ACVR2B: variants seen among roughly 807,000 people sequenced by gnomAD.
The protein encoded by ACVR2B is activin A receptor type 2B.
ACVR2B carries 18 observed loss-of-function variants against 65.1 expected under a neutral mutation model. The ratio of observed to expected loss-of-function variants is 0.28; its 90% CI spans 0.19 to 0.41. The LOEUF is 0.41. ACVR2B is among the 10% of genes least tolerant of loss of function. ACVR2B has a pLI of 1.00. For missense variants in ACVR2B, 482 were observed against 682.7 expected, an observed-to-expected ratio of 0.71 and a Z score of 3.28; for synonymous variants, 298 against 277.7, an observed-to-expected ratio of 1.07 and a Z score of -0.73.
At chr3:38,467,688 G>C (rs1264289272) in intron 1 of ACVR2B, among the ~76,000 whole-genome samples, 1 of 151,768 alleles carries the variant, frequency 6.6e-6, no homozygotes, top group Non-Finnish European at 1.5e-5. Context: ...GGAGTTTGAG[G>C]CTGCAGTGAG....
chr3:38,481,120 TG>T lies in ACVR2B; in HGVS notation c.960-230del, dbSNP rs1710010101. Among the ~76,000 whole-genome samples, 1 of 152,136 alleles carries T rather than the reference TG, an allele frequency of 6.6e-6. No homozygotes were observed. Among genetic ancestry groups the T allele is most frequent in the Non-Finnish European group, 1.5e-5 (1 of 68,032 alleles). ...TCTGCCCAGCCATTAGGGTAGGTGT[TG>T]CTTTGCCAACCCTGGGGGAAGCCTT... On this transcript the variant is annotated intron_variant, in intron 7 of 10. Transcript: ENST00000352511. The surrounding 1 kb of genome is among the most constrained non-coding windows in gnomAD (Gnocchi z 4.7).
Position 38,484,077 on chromosome 3 carries a change from G to C in ACVR2B, c.*745G>C, listed in dbSNP as rs892027840. On this transcript the variant is annotated 3_prime_UTR_variant, in exon 11 of 11. Coordinates refer to ENST00000352511, the MANE Select transcript of ACVR2B (RefSeq NM_001106.4). ...GCTACTTCTCAGGTAACCAGGAATT[G>C]AGGGGAAGGACCTTGTGGAGGCCGA... 2 of 152,710 alleles carry C rather than the reference G, an allele frequency of 1.3e-5. No homozygotes were observed. Among genetic ancestry groups the C allele is most frequent in the African/African-American group, 4.8e-5 (2 of 41,430 alleles). The allele number at this position is 152,710 out of a possible 1,614,324, so 9.5% of individuals were successfully genotyped here. A position where few individuals can be genotyped will look rare whatever the true frequency, so the allele number is the denominator to read the frequency against.
chr3:38,467,117 G>A (rs2125716124), intron 1 of ACVR2B, among the ~76,000 whole-genome samples: 1 of 152,230 alleles, frequency 6.6e-6, no homozygotes, highest in Middle Eastern at 3.4e-3. Flanking sequence ...TCATCTCTAG[G>A]GTAACCAAAG....
chr3:38,461,910 T>G (rs1262630397), intron 1 of ACVR2B, among the ~76,000 whole-genome samples: 1 of 152,168 alleles, frequency 6.6e-6, no homozygotes, highest in Non-Finnish European at 1.5e-5. Context: ...GAGAGGCTTT[T>G]GGCCGGGCGT....
Position 38,483,094 on chromosome 3 carries a change from G to A in ACVR2B, c.1345-44G>A, listed in dbSNP as rs934689272. 13 of 1,608,906 alleles carry A rather than the reference G, an allele frequency of 8.1e-6. No individual in the cohort carries two copies. Among genetic ancestry groups the A allele is most frequent in the Non-Finnish European group, 1.0e-5 (12 of 1,175,532 alleles). On this transcript the variant is annotated intron_variant, in intron 10 of 10. Coordinates refer to ENST00000352511, the MANE Select transcript of ACVR2B (RefSeq NM_001106.4). The surrounding 1 kb of genome is among the most constrained non-coding windows in gnomAD (Gnocchi z 4.8). ...CCCCCAAAGCTTTTCCTCACTGAAG[G>A]GTCCTAACAAAGGTGTCTTTCCTGT...
chr3:38,457,330 A>G (rs1709567017), intron 1 of ACVR2B, among the ~76,000 whole-genome samples: 1 of 152,258 alleles, frequency 6.6e-6, no homozygotes, highest in Admixed American at 6.5e-5. Flanking sequence ...GCCTTACAGA[A>G]CATCCTCAAC....
At chr3:38,473,097 A>T (rs773152951) in intron 1 of ACVR2B, among the ~76,000 whole-genome samples, 9 of 151,536 alleles carry the variant, frequency 5.9e-5, no homozygotes, top group Non-Finnish European at 8.8e-5. Flanking sequence ...GCCAGGAGGG[A>T]TGGTTTGGGG....
chr3:38,462,106 A>G (rs1709658058), intron 1 of ACVR2B, among the ~76,000 whole-genome samples: 1 of 152,164 alleles, frequency 6.6e-6, no homozygotes, highest in African/African-American at 2.4e-5. Context: ...AGGCAGGAGA[A>G]TGGCGTGAAC....
Position 38,483,370 on chromosome 3 carries a change from T to C in ACVR2B, c.*38T>C. ...AGTGTCTGTCCAGACTCAGTGGATCTGAAGAAAAAAGGAAAAAAAGTTGTG... is the reference window on the plus strand; with the variant it reads ...AGTGTCTGTCCAGACTCAGTGGATCCGAAGAAAAAAGGAAAAAAAGTTGTG... On this transcript the variant is annotated 3_prime_UTR_variant, in exon 11 of 11. Transcript: ENST00000352511. This position sits in a 1 kb window ranked among gnomAD's most constrained non-coding sequence, Gnocchi z 4.8. The C allele has an allele frequency of 1.2e-6, 2 of 1,611,080 alleles. No individual in the cohort carries two copies. The highest frequency in any genetic ancestry group is 8.5e-7 in the Non-Finnish European group (1 of 1,177,634).
At chr3:38,459,345 G>A (rs1302031744) in intron 1 of ACVR2B, among the ~76,000 whole-genome samples, 5 of 152,236 alleles carry the variant, frequency 3.3e-5, no homozygotes, top group Non-Finnish European at 7.3e-5. Flanking sequence ...GGCGGAGGCT[G>A]TGGGTGGCTG....
At chr3:38,469,510 G>C (rs558322677) in intron 1 of ACVR2B, among the ~76,000 whole-genome samples, 1 of 152,320 alleles carries the variant, frequency 6.6e-6, no homozygotes, top group Non-Finnish European at 1.5e-5. Context: ...GTCTGAGACT[G>C]GGTAGGGTTG....
At position 38,482,021 on chromosome 3, in the gene ACVR2B, C is replaced by A. The variant is rs1213470423; in HGVS notation, c.1075-177C>A. 1.3e-5 allele frequency among the ~76,000 whole-genome samples: 2 copies of A among 152,096 alleles called. 1 individual carries two copies. The highest frequency in any genetic ancestry group is 4.8e-5 in the African/African-American group (2 of 41,376). On this transcript the variant is annotated intron_variant, in intron 8 of 10. Coordinates refer to ENST00000352511, the MANE Select transcript of ACVR2B (RefSeq NM_001106.4). The stretch of plus-strand genomic sequence containing the variant: ...AATTATTAGCCAAGTATAATTGATG[C>A]TGTGACCTCTTGTAACTGTTGTGAA...
At chr3:38,469,338 G>A (rs1709782908) in intron 1 of ACVR2B, among the ~76,000 whole-genome samples, 1 of 152,192 alleles carries the variant, frequency 6.6e-6, no homozygotes, top group Non-Finnish European at 1.5e-5. Context: ...TTATAATTTA[G>A]AGATGTGGGT....
intron 1 of ACVR2B, among the ~76,000 whole-genome samples, chr3:38,466,829 C>G (rs1197381340): frequency 6.6e-6 from 1 of 152,080 alleles, no homozygotes; most frequent in African/African-American, 2.4e-5. Context: ...AAAGAATGAA[C>G]ATGTCAAGGA....
At position 38,491,390 on chromosome 3, in the gene ACVR2B, C is replaced by G. The variant is rs1436872247; in HGVS notation, c.*8058C>G. On this transcript the variant is annotated 3_prime_UTR_variant, in exon 11 of 11. Transcript: ENST00000352511. ...CATGGGACACAAGGTCAGTGTGTTC[C>G]CAGTGAGGGTCCCAAGTCAGTCATC... 6.6e-6 allele frequency: 1 copy of G among 152,646 alleles called. No homozygotes were observed. Among genetic ancestry groups the G allele is most frequent in the Non-Finnish European group, 1.5e-5 (1 of 68,066 alleles). 9.5% of individuals were successfully genotyped at this position (152,646 alleles called of 1,614,324 possible). A position where few individuals can be genotyped will look rare whatever the true frequency, so the allele number is the denominator to read the frequency against.
At chr3:38,465,213 A>G (rs1364147874) in intron 1 of ACVR2B, among the ~76,000 whole-genome samples, 1 of 151,996 alleles carries the variant, frequency 6.6e-6, no homozygotes, top group Non-Finnish European at 1.5e-5. Flanking sequence ...CCTGGCCAAC[A>G]TGGTGAAACC....
At position 38,481,903 on chromosome 3, in the gene ACVR2B, C is replaced by T. The variant is rs1246834199; in HGVS notation, c.1075-295C>T. On this transcript the variant is annotated intron_variant, in intron 8 of 10. Transcript: ENST00000352511. This position sits in a 1 kb window ranked among gnomAD's most constrained non-coding sequence, Gnocchi z 4.7. ...TTCCCTCTTTGTTTTTGGTCTTAAT[C>T]TCAGTCAGATACATATCATCTGTAG... Among the ~76,000 whole-genome samples, 1 of 152,168 alleles carries T rather than the reference C, an allele frequency of 6.6e-6. No individual in the cohort carries two copies. Among genetic ancestry groups the T allele is most frequent in the Non-Finnish European group, 1.5e-5 (1 of 68,034 alleles).
chr3:38,476,976 C>CT (rs1185220766), intron 1 of ACVR2B: 1 of 490,982 alleles, frequency 2.0e-6, no homozygotes, highest in Non-Finnish European at 3.7e-6. Flanking sequence ...CATCTGGACT[C>CT]TGTCTGTCTG....
chr3:38,467,649 G>A (rs545172372), intron 1 of ACVR2B, among the ~76,000 whole-genome samples: 1 of 152,000 alleles, frequency 6.6e-6, no homozygotes, highest in African/African-American at 2.4e-5. Context: ...CTACTTGGGA[G>A]GCTGAAGTGG....
Sources: gnomAD v4.1 joint callset for allele counts (sites outside exome capture counted in the v4.1 genomes callset) on GRCh38, gnomAD v4.1.1 for gene constraint, Gnocchi (gnomAD v3.1) non-coding constraint, MANE v1.5 for transcripts, NCBI Gene and HGNC (gene_info 2026-07-23, HGNC 2026-07-21) for gene names.